ATP2C2: variants seen among roughly 807,000 people sequenced by gnomAD.
ATP2C2 encodes ATPase secretory pathway Ca2+ transporting 2.
In ATP2C2, 171 loss-of-function variants were observed where a neutral mutation model predicts 110.8. The observed-to-expected ratio is 1.54, with a 90% CI of 1.36 to 1.75. The LOEUF (loss-of-function observed/expected upper bound fraction) is 1.75, where lower values mean the gene tolerates loss of function less well. ATP2C2 is among the 40% of genes most tolerant of loss of function. The pLI, the probability that ATP2C2 is intolerant of heterozygous loss-of-function variation, is 0.00. For synonymous variants in ATP2C2, 804 were observed against 508.4 expected (o/e 1.58, Z -7.82); for missense variants, 1,963 against 1,235.0 (o/e 1.59, Z -8.84).
intron 11 of ATP2C2, among the ~76,000 whole-genome samples, chr16:84,427,055 G>A (rs1907870657): frequency 1.3e-5 from 2 of 152,190 alleles, no homozygotes; most frequent in Admixed American, 6.5e-5. Flanking sequence ...GAGCCTAGGG[G>A]CTGTGCCAGG....
chr16:84,385,563 C>A (rs762446719), intron 1 of ATP2C2, among the ~76,000 whole-genome samples: 1 of 152,194 alleles, frequency 6.6e-6, no homozygotes, highest in Non-Finnish European at 1.5e-5. Flanking sequence ...TGCAAGGACT[C>A]TGTATTAGTC....
rs567479180 is a variant in ATP2C2, at chr16:84,370,530, C to T, written c.99+1816C>T. On this transcript the variant is annotated intron_variant, in intron 1 of 26. Transcript: ENST00000262429. ...GGGGAGGCCGGGTGGCTGGGCGAGG[C>T]ACTCACTTCCTGCCAGGTTGGCTCA... is the stretch of plus-strand genomic sequence containing the variant. 4.6e-5 allele frequency among the ~76,000 whole-genome samples: 7 copies of T among 152,240 alleles called. No individual in the cohort carries two copies. The East Asian group carries it at 1.2e-3, about 25-fold the overall frequency.
intron 17 of ATP2C2, among the ~76,000 whole-genome samples, chr16:84,450,483 G>A (rs369574150): frequency 6.6e-6 from 1 of 152,162 alleles, no homozygotes; most frequent in African/African-American, 2.4e-5. Context: ...GGAGCACGGA[G>A]GCAGGAGTAT....
chr16:84,451,873 G>A (rs764397536), intron 17 of ATP2C2, 48 bp from the exon 18 acceptor site: 24 of 1,542,862 alleles, frequency 1.6e-5, no homozygotes, highest in East Asian at 6.8e-5. Context: ...AAAAAACGAC[G>A]GCCCCTAAGC....
chr16:84,376,530 T>C (rs931365384), intron 1 of ATP2C2, among the ~76,000 whole-genome samples: 5 of 136,124 alleles, frequency 3.7e-5, no homozygotes, highest in African/African-American at 1.3e-4. Context: ...AGATTTTTTT[T>C]GGCAATTTTT....
chr16:84,428,967 C>T (rs937907276), intron 11 of ATP2C2, among the ~76,000 whole-genome samples: 1 of 152,096 alleles, frequency 6.6e-6, no homozygotes, highest in African/African-American at 2.4e-5. Context: ...CCCTTTTTCC[C>T]TGAATATATG....
At chr16:84,394,145 C>G (rs1165479444) in intron 1 of ATP2C2, among the ~76,000 whole-genome samples, 1 of 152,056 alleles carries the variant, frequency 6.6e-6, no homozygotes, top group Non-Finnish European at 1.5e-5. Context: ...GATCACACCA[C>G]TGCACTCCAG....
intron 6 of ATP2C2, among the ~76,000 whole-genome samples, chr16:84,413,314 G>A (rs547672437): frequency 2.4e-4 from 36 of 152,218 alleles, no homozygotes; most frequent in African/African-American, 7.5e-4. Flanking sequence ...AGTGAGATAC[G>A]GTCCCGCGTC....
In ATP2C2 at chr16:84,450,606, G is replaced by A. The variant is rs542541151; in HGVS notation, c.1661-1315G>A. Among the ~76,000 whole-genome samples the A allele has an allele frequency of 4.6e-5, 7 of 152,248 alleles. No homozygotes were observed. In the East Asian group the frequency reaches 5.8e-4, roughly 13 times the overall value. ...ACCATTGGAAAAGGGGAGGAAGGGC[G>A]CCAGCGTCATTGGCGCAGTGTCATG... is the stretch of plus-strand genomic sequence containing the variant. On this transcript the variant is annotated intron_variant, in intron 17 of 26. Transcript: ENST00000262429.
chr16:84,461,258 C>A, intron 24 of ATP2C2: 1 of 266,966 alleles, frequency 3.7e-6, no homozygotes, highest in Non-Finnish European at 7.1e-6. Flanking sequence ...GGAAATGAGG[C>A]AGGTGACCCA....
chr16:84,450,473 G>A (rs1352629797), intron 17 of ATP2C2, among the ~76,000 whole-genome samples: 2 of 152,132 alleles, frequency 1.3e-5, no homozygotes, highest in African/African-American at 2.4e-5. Context: ...TGGGGTGAGG[G>A]GAGCACGGAG....
At chr16:84,449,131 C>A (rs572835124) in intron 17 of ATP2C2, among the ~76,000 whole-genome samples, 1 of 152,340 alleles carries the variant, frequency 6.6e-6, no homozygotes, top group Admixed American at 6.5e-5. Flanking sequence ...CTCACATTTC[C>A]CTTGGTGTCA....
In ATP2C2 at chr16:84,461,858, C is replaced by T. The variant is rs771832595; in HGVS notation, c.2580+46C>T. 6 of 1,606,816 alleles carry T rather than the reference C, an allele frequency of 3.7e-6. No homozygotes were observed. In the Admixed American group the frequency reaches 5.0e-5, roughly 13 times the overall value. On this transcript the variant is annotated intron_variant, in intron 25 of 26. Transcript: ENST00000262429. The stretch of plus-strand genomic sequence containing the variant: ...CCTCGCTGCAGAGCTGCTGTGTGTT[C>T]TCGACAGCAGCGCCCCGACCCTGCC...
At chr16:84,378,217 C>G (rs1047839167) in intron 1 of ATP2C2, among the ~76,000 whole-genome samples, 1 of 152,214 alleles carries the variant, frequency 6.6e-6, no homozygotes, top group African/African-American at 2.4e-5. Context: ...CTGTCTTTGC[C>G]TCTCCAGCTG....
intron 1 of ATP2C2, among the ~76,000 whole-genome samples, chr16:84,374,801 C>T (rs1910157784): frequency 6.6e-6 from 1 of 152,168 alleles, no homozygotes; most frequent in Non-Finnish European, 1.5e-5. Flanking sequence ...CATTCAGCTG[C>T]TATTTCTCTT....
chr16:84,461,594 T>A, intron 24 of ATP2C2, 120 bp from the exon 25 acceptor site: 2 of 868,568 alleles, frequency 2.3e-6, no homozygotes, highest in Non-Finnish European at 3.9e-6. Flanking sequence ...GACCGATTCA[T>A]GAGCTTGTAA....
At chr16:84,422,308 G>A in intron 7 of ATP2C2, 82 bp from the exon 8 acceptor site, 4 of 1,478,448 alleles carry the variant, frequency 2.7e-6, no homozygotes, top group South Asian at 2.5e-5. Flanking sequence ...GTCCATGAAG[G>A]TGCTGGTACC....
chr16:84,393,109 A>G (rs1332571329), intron 1 of ATP2C2, among the ~76,000 whole-genome samples: 1 of 151,956 alleles, frequency 6.6e-6, no homozygotes, highest in Non-Finnish European at 1.5e-5. Flanking sequence ...AGAAGAAGTG[A>G]GTGTGTGTTT....
intron 11 of ATP2C2, among the ~76,000 whole-genome samples, chr16:84,427,654 T>G (rs1424567193): frequency 6.6e-6 from 1 of 152,064 alleles, no homozygotes; most frequent in East Asian, 1.9e-4. Context: ...GAGGTGGAGT[T>G]TGCAGTGAGC....
Sources: allele counts gnomAD v4.1 joint callset (sites outside exome capture counted in the v4.1 genomes callset), GRCh38; gene constraint gnomAD v4.1.1; transcripts MANE v1.5; gene names NCBI Gene and HGNC (gene_info 2026-07-23, HGNC 2026-07-21).